TMEM131L: variants seen among roughly 807,000 people sequenced by gnomAD.
TMEM131L encodes transmembrane protein 131-like.
In TMEM131L, 54 loss-of-function variants were observed where a neutral mutation model predicts 192.2. That is an observed-to-expected ratio of 0.28 (90% CI 0.23 to 0.35). The LOEUF is 0.35. TMEM131L is among the 10% of genes least tolerant of loss of function. The pLI, the probability that TMEM131L is intolerant of heterozygous loss-of-function variation, is 1.00. For synonymous variants in TMEM131L, 701 were observed against 704.9 expected (o/e 0.99, Z 0.09); for missense variants, 1,888 against 1,972.9 (o/e 0.96, Z 0.82).
chr4:153,566,154 A>G (rs983301992), intron 7 of TMEM131L, among the ~76,000 whole-genome samples: 77 of 147,018 alleles, frequency 5.2e-4, no homozygotes, highest in African/African-American at 1.8e-3. Flanking sequence ...TTTTTTTTTG[A>G]GACAAGAGTC....
At chr4:153,559,807 TC>T (rs1409324485) in intron 7 of TMEM131L, among the ~76,000 whole-genome samples, 1 of 151,974 alleles carries the variant, frequency 6.6e-6, no homozygotes, top group East Asian at 1.9e-4. Flanking sequence ...TTCAGTGCAT[TC>T]CCATAGGTCT....
At chr4:153,522,429 G>C (rs1735184384) in intron 3 of TMEM131L, among the ~76,000 whole-genome samples, 1 of 152,178 alleles carries the variant, frequency 6.6e-6, no homozygotes, top group Non-Finnish European at 1.5e-5. Context: ...AGGAGACCGG[G>C]ATGGAAGTAA....
intron 3 of TMEM131L, among the ~76,000 whole-genome samples, chr4:153,489,580 C>G (rs144350405): frequency 6.6e-6 from 1 of 152,084 alleles, no homozygotes; most frequent in Non-Finnish European, 1.5e-5. Context: ...CAGGTTCAAG[C>G]GATTCTCCTG....
intron 3 of TMEM131L, among the ~76,000 whole-genome samples, chr4:153,528,808 G>T (rs902814884): frequency 6.6e-6 from 1 of 152,130 alleles, no homozygotes; most frequent in African/African-American, 2.4e-5. Flanking sequence ...CCCCTCCCTC[G>T]GAGAGTGTGG....
intron 3 of TMEM131L, among the ~76,000 whole-genome samples, chr4:153,484,676 C>G (rs1318551801): frequency 1.3e-5 from 2 of 148,360 alleles, no homozygotes; most frequent in South Asian, 4.3e-4. Flanking sequence ...CACCATGTTA[C>G]TCAGGATGGT....
At chr4:153,516,882 G>T (rs891669718) in intron 3 of TMEM131L, among the ~76,000 whole-genome samples, 4 of 152,014 alleles carry the variant, frequency 2.6e-5, no homozygotes, top group Non-Finnish European at 4.4e-5. Flanking sequence ...CTGGAGTGCA[G>T]TGGGGGCGAT....
Position 153,594,001 on chromosome 4 carries a change from G to A in TMEM131L, c.1995+130G>A, listed in dbSNP as rs1731253657. On this transcript the variant is annotated intron_variant, in intron 19 of 34. Transcript: ENST00000409959. Reference sequence around the variant, plus strand: ...TGGCTCTTTTATTTTGATTCTCTGGGCATTAACGATACATAGCAGATTTTT... The same window carrying A: ...TGGCTCTTTTATTTTGATTCTCTGGACATTAACGATACATAGCAGATTTTT... 6 of 662,090 alleles carry A rather than the reference G, an allele frequency of 9.1e-6. No homozygotes were observed. The South Asian group carries it at 1.1e-4, about 12-fold the overall frequency. The allele number at this position is 662,090 out of a possible 1,614,324, so 41.0% of individuals were successfully genotyped here.
intron 7 of TMEM131L, among the ~76,000 whole-genome samples, chr4:153,579,518 T>TA (rs764129477): frequency 3.1e-4 from 47 of 152,250 alleles, no homozygotes; most frequent in Non-Finnish European, 8.8e-5. Flanking sequence ...TTCTTTTTCT[T>TA]AAAAAAAGAT....
intron 7 of TMEM131L, among the ~76,000 whole-genome samples, chr4:153,574,319 T>C (rs1436713683): frequency 6.6e-6 from 1 of 152,108 alleles, no homozygotes; most frequent in Non-Finnish European, 1.5e-5. Flanking sequence ...AGGGTAGTGG[T>C]GGTGGTGGTG....
At chr4:153,475,721 T>C (rs1179304623) in intron 3 of TMEM131L, among the ~76,000 whole-genome samples, 1 of 152,220 alleles carries the variant, frequency 6.6e-6, no homozygotes, top group Non-Finnish European at 1.5e-5. Flanking sequence ...ACAGACTTTT[T>C]CTTGTCATTA....
At chr4:153,484,902 G>A (rs1265504137) in intron 3 of TMEM131L, among the ~76,000 whole-genome samples, 1 of 146,028 alleles carries the variant, frequency 6.8e-6, no homozygotes, top group Non-Finnish European at 1.5e-5. Flanking sequence ...GGCGGATCAC[G>A]AGGTCAGGAG....
At chr4:153,633,122 A>C (rs1230334449) in intron 32 of TMEM131L, 2 of 283,584 alleles carry the variant, frequency 7.1e-6, no homozygotes, top group East Asian at 1.6e-4. Flanking sequence ...AGATTTGAAA[A>C]AAAAACACTC....
Position 153,602,219 on chromosome 4 carries a change from T to C in TMEM131L, c.2334T>C (p.Leu778=), listed in dbSNP as rs200678451. The C allele has an allele frequency of 3.2e-5, 52 of 1,613,268 alleles. No individual in the cohort carries two copies. In the East Asian group the frequency reaches 8.2e-4, roughly 26 times the overall value. The change falls in exon 22 of 35, where the codon CTT becomes CTC. Residue 778 remains leucine (L), a synonymous_variant. Transcript: ENST00000409959. ...KNFKVENIGP[L]PITVSSLKIN... Reference sequence around the variant, plus strand: ...TTAAAGTTGAGAATATTGGACCTCTTCCTATAACTGTTTCGTCTCTGAAAA... The same window carrying C: ...TTAAAGTTGAGAATATTGGACCTCTCCCTATAACTGTTTCGTCTCTGAAAA...
At chr4:153,563,567 G>A (rs932044218) in intron 7 of TMEM131L, among the ~76,000 whole-genome samples, 2 of 139,586 alleles carry the variant, frequency 1.4e-5, no homozygotes, top group Non-Finnish European at 3.0e-5. Flanking sequence ...TCCTGAGCTC[G>A]ACCCGTCCTC....
At chr4:153,471,469 C>G (rs567003489) in intron 2 of TMEM131L, among the ~76,000 whole-genome samples, 2 of 152,112 alleles carry the variant, frequency 1.3e-5, no homozygotes, top group Admixed American at 6.5e-5. Context: ...AGTGTCTTGC[C>G]GAGTTCCCCT....
intron 8 of TMEM131L, among the ~76,000 whole-genome samples, 198 bp from the exon 9 acceptor site, chr4:153,581,209 G>A (rs1411545145): frequency 1.3e-5 from 2 of 152,144 alleles, no homozygotes; most frequent in Non-Finnish European, 2.9e-5. Flanking sequence ...AGCCGAGATC[G>A]CACCACTGCA....
intron 21 of TMEM131L, among the ~76,000 whole-genome samples, chr4:153,599,316 C>T (rs923068850): frequency 5.3e-5 from 8 of 152,230 alleles, no homozygotes; most frequent in African/African-American, 1.4e-4. Context: ...GAGAGACCAC[C>T]GCCATGATCC....
At chr4:153,502,189 C>T (rs894422839) in intron 3 of TMEM131L, among the ~76,000 whole-genome samples, 1 of 152,088 alleles carries the variant, frequency 6.6e-6, no homozygotes, top group Non-Finnish European at 1.5e-5. Flanking sequence ...AGCAGTCCTC[C>T]CACCTTGTCC....
At chr4:153,493,736 G>A (rs769287671) in intron 3 of TMEM131L, among the ~76,000 whole-genome samples, 2 of 152,156 alleles carry the variant, frequency 1.3e-5, no homozygotes, top group Non-Finnish European at 2.9e-5. Flanking sequence ...GTGACTTTTG[G>A]TGAGTTGCCA....
Sources: allele counts gnomAD v4.1 joint callset (sites outside exome capture counted in the v4.1 genomes callset), GRCh38; gene constraint gnomAD v4.1.1; transcripts MANE v1.5; gene names NCBI Gene and HGNC (gene_info 2026-07-23, HGNC 2026-07-21).